Variants in TRPM1 observed in about 807,000 individuals in gnomAD.
TRPM1 encodes the protein transient receptor potential cation channel subfamily M member 1.
TRPM1 carries 113 observed loss-of-function variants against 149.4 expected under a neutral mutation model. The ratio of observed to expected loss-of-function variants is 0.76; its 90% CI spans 0.65 to 0.88. The LOEUF is 0.88. Among genes scored for constraint, TRPM1 ranks in the 40% least tolerant of loss-of-function variants. The probability of loss-of-function intolerance (pLI) is 0.00; values close to 1 mark genes in which losing one functional copy is unlikely to be tolerated. For synonymous variants in TRPM1, 741 were observed against 759.5 expected, an observed-to-expected ratio of 0.98 and a Z score of 0.40; for missense variants, 1,976 against 2,038.7, an observed-to-expected ratio of 0.97 and a Z score of 0.59.
At chr15:31,023,057 C>T (rs2032601765) in intron 27 of TRPM1, among the ~76,000 whole-genome samples, 1 of 152,202 alleles carries the variant, frequency 6.6e-6, no homozygotes, top group Non-Finnish European at 1.5e-5. Flanking sequence ...AGTCTGGCTC[C>T]TACTATGTGG....
At chr15:31,106,633 G>C (rs1456940336), upstream of TRPM1, among the ~76,000 whole-genome samples, 1 of 152,052 alleles carries the variant, frequency 6.6e-6, no homozygotes, top group Non-Finnish European at 1.5e-5. Context: ...TCTTTTGACA[G>C]CTGTGTGGCC....
intron 27 of TRPM1, among the ~76,000 whole-genome samples, chr15:31,024,333 C>T (rs181061544): frequency 6.6e-6 from 1 of 152,274 alleles, no homozygotes; most frequent in East Asian, 1.9e-4. Flanking sequence ...TCCATCCTCC[C>T]ACCTTATCCC....
intron 27 of TRPM1, among the ~76,000 whole-genome samples, chr15:31,025,402 G>A (rs375336161): frequency 1.3e-5 from 2 of 152,210 alleles, no homozygotes; most frequent in African/African-American, 4.8e-5. Flanking sequence ...TCCTAGCTTA[G>A]GGTAGAGCAA....
chr15:31,152,706 G>A (rs530058673), intron 1 of TRPM1, among the ~76,000 whole-genome samples: 10 of 152,246 alleles, frequency 6.6e-5, no homozygotes, highest in Admixed American at 3.9e-4. Flanking sequence ...GTTGTGGTGC[G>A]ATCATGGCTC....
intron 26 of TRPM1, 50 bp from the exon 27 acceptor site, chr15:31,026,321 T>C (rs749660237): frequency 1.7e-5 from 27 of 1,600,492 alleles, no homozygotes; most frequent in Non-Finnish European, 7.6e-6. Context: ...AAGAATCAGT[T>C]TCGTGGCGTC....
intron 12 of TRPM1, 108 bp from the exon 13 acceptor site, chr15:31,049,617 G>A (rs747289885): frequency 4.8e-6 from 6 of 1,250,756 alleles, no homozygotes; most frequent in Non-Finnish European, 7.0e-6. Context: ...AGATTCCAGA[G>A]CACTCCAGCA....
Position 31,009,736 on chromosome 15 carries a change from T to TTTACATAA in TRPM1, c.3630-6667_3630-6666insTTATGTAA, listed in dbSNP as rs1406683870. On this transcript the variant is annotated intron_variant, in intron 27 of 27. Transcript: ENST00000256552. Reference sequence around the variant, plus strand: ...GGCTTTGGGCTTTTTCTTTAGCCCATTTACTCTCTTGTTCAAATTGAGTAA... The same window carrying TTTACATAA: ...GGCTTTGGGCTTTTTCTTTAGCCCATTTACATAATTACTCTCTTGTTCAAATTGAGTAA... Among the ~76,000 whole-genome samples the TTTACATAA allele has an allele frequency of 1.2e-3, 180 of 152,308 alleles. 1 individual carries two copies. The highest frequency in any genetic ancestry group is 4.3e-3 in the African/African-American group (178 of 41,562).
chr15:31,017,865 T>C (rs1349406697), intron 27 of TRPM1, among the ~76,000 whole-genome samples: 2 of 152,172 alleles, frequency 1.3e-5, no homozygotes, highest in African/African-American at 4.8e-5. Context: ...AGAATACCTA[T>C]GTATGGCATA....
chr15:31,123,454 A>G (rs1437208958), intron 1 of TRPM1, among the ~76,000 whole-genome samples: 8 of 152,372 alleles, frequency 5.3e-5, no homozygotes, highest in African/African-American at 1.9e-4. Context: ...TATCCAAAAT[A>G]TATGTTGAAC....
At chr15:31,080,279 T>A (rs1036927667) in intron 2 of TRPM1, among the ~76,000 whole-genome samples, 2 of 152,174 alleles carry the variant, frequency 1.3e-5, no homozygotes, top group Admixed American at 1.3e-4. Flanking sequence ...GTATTTCCCA[T>A]GGATACTTAT....
In TRPM1 at chr15:31,002,692, C is replaced by T. The variant is rs538923430; in HGVS notation, c.4008G>A (p.Thr1336=). The change falls in exon 28 of 28, where the codon ACG becomes ACA. Residue 1336 remains threonine (T), a synonymous_variant. Coordinates refer to ENST00000256552, the MANE Select transcript of TRPM1 (RefSeq NM_001252024.2). ...TGTTCTGACATTCTGGGACTAGGTG[C>T]GTTTTCACGTCCTTCTCTTCCTTTA... ...FRIKEEKDVK[T]HLVPECQNSL... is the part of the protein sequence containing the mutation. The T allele has an allele frequency of 1.1e-5, 17 of 1,614,136 alleles. No individual in the cohort carries two copies. Among genetic ancestry groups the T allele is most frequent in the African/African-American group, 2.7e-5 (2 of 75,028 alleles).
intron 26 of TRPM1, 80 bp from the exon 27 acceptor site, chr15:31,026,351 C>T: frequency 6.5e-7 from 1 of 1,548,506 alleles, no homozygotes; most frequent in East Asian, 2.3e-5. Flanking sequence ...TTCACAGCCC[C>T]ACTTTAATTA....
chr15:31,059,727 C>T (rs1357712377), intron 11 of TRPM1, among the ~76,000 whole-genome samples: 1 of 152,128 alleles, frequency 6.6e-6, no homozygotes, highest in Non-Finnish European at 1.5e-5. Context: ...GTTTTTAAAA[C>T]CAACATAAAC....
intron 5 of TRPM1, among the ~76,000 whole-genome samples, 183 bp downstream of exon 5, chr15:31,067,696 T>A (rs756921329): frequency 5.9e-5 from 9 of 152,076 alleles, no homozygotes; most frequent in Admixed American, 1.3e-4. Context: ...TATTTGCTGT[T>A]TTTTTTTAAG....
At chr15:31,064,596 G>A (rs2034318889) in intron 7 of TRPM1, among the ~76,000 whole-genome samples, 1 of 152,202 alleles carries the variant, frequency 6.6e-6, no homozygotes. Flanking sequence ...GGAATTAGTT[G>A]ATCGATATTA....
intron 11 of TRPM1, among the ~76,000 whole-genome samples, chr15:31,052,602 C>T (rs1237349824): frequency 1.3e-5 from 2 of 152,058 alleles, no homozygotes; most frequent in African/African-American, 4.8e-5. Flanking sequence ...TGGTAAAATC[C>T]CATCTCTACT....
intron 16 of TRPM1, among the ~76,000 whole-genome samples, chr15:31,044,776 T>C (rs1477688973): frequency 1.1e-5 from 1 of 89,494 alleles, no homozygotes; most frequent in East Asian, 2.8e-4. Flanking sequence ...GTGAGACTCC[T>C]ACTCAAAAAA....
chr15:31,050,726 G>T, intron 11 of TRPM1, 144 bp from the exon 12 acceptor site: 2 of 860,108 alleles, frequency 2.3e-6, no homozygotes, highest in Non-Finnish European at 3.8e-6. Context: ...CCCACACAGT[G>T]CACACATATG....
intron 3 of TRPM1, among the ~76,000 whole-genome samples, chr15:31,071,981 ATATATATATAT>A (rs2140970231): frequency 4.5e-5 from 3 of 66,896 alleles, no homozygotes; most frequent in African/African-American, 2.4e-4. Flanking sequence ...AAAAAAAAAC[ATATATATATAT>A]ATATATATAT....
Sources: allele counts gnomAD v4.1 joint callset (sites outside exome capture counted in the v4.1 genomes callset), GRCh38; gene constraint gnomAD v4.1.1; transcripts MANE v1.5; gene names NCBI Gene and HGNC (gene_info 2026-07-23, HGNC 2026-07-21).